Variants in DMBT1 observed in about 807,000 individuals in gnomAD.
DMBT1 encodes scavenger receptor cysteine-rich domain-containing protein DMBT1.
A neutral mutation model predicts 252.9 loss-of-function variants in DMBT1; 198 were observed. The observed-to-expected ratio is 0.78, with a 90% CI of 0.70 to 0.88. The LOEUF (loss-of-function observed/expected upper bound fraction) is 0.88. Among genes scored for constraint, DMBT1 ranks in the 40% least tolerant of loss-of-function variants. The probability of loss-of-function intolerance (pLI) is 0.00; values close to 1 mark genes in which losing one functional copy is unlikely to be tolerated. For missense variants in DMBT1, 2,432 were observed against 2,404.7 expected, an observed-to-expected ratio of 1.01 and a Z score of -0.24; for synonymous variants, 990 against 942.7, an observed-to-expected ratio of 1.05 and a Z score of -0.92.
chr10:122,590,685 C>T lies in DMBT1; in HGVS notation c.2128C>T (p.Pro710Ser). ...CACAGCTGCCCAGTCCCGGTCGACG[C>T]CCAGGCCAGGTGAGTCCCCAGTGTC... ...ICSAAQSRST[P>S]RPDTLSTITL... is the part of the protein sequence containing the mutation. Residue 710 changes from proline (P) to serine (S), a missense_variant, in exon 18 of 56, where the codon CCC (proline) becomes TCC (serine). Pro to Ser is a moderately conservative substitution (Grantham distance 74, BLOSUM62 -1). Around this residue, in one of 3 missense-constraint regions of DMBT1, gnomAD observed 1,264 missense variants for 1,082.2 expected, o/e 1.17. Transcript: ENST00000338354. The T allele has an allele frequency of 2.5e-6, 4 of 1,587,916 alleles. No homozygotes were observed. In the Admixed American group the frequency reaches 5.0e-5, roughly 20 times the overall value.
At chr10:122,590,584 C>T in intron 17 of DMBT1, 81 bp from the exon 18 acceptor site, 1 of 1,496,634 alleles carries the variant, frequency 6.7e-7, no homozygotes. Flanking sequence ...GAAGGCGCTA[C>T]CAGTTTAGTT....
chr10:122,568,554 C>T (rs1372605550), intron 2 of DMBT1, among the ~76,000 whole-genome samples: 4 of 152,006 alleles, frequency 2.6e-5, no homozygotes, highest in South Asian at 2.1e-4. Context: ...TCAAGGGGGC[C>T]GAGAGCACCA....
At position 122,625,919 on chromosome 10, in the gene DMBT1, A is replaced by AT. The variant is rs538807853; in HGVS notation, c.5636-5dup. 1,423 of 1,571,722 alleles carry AT rather than the reference A, an allele frequency of 9.1e-4. No individual in the cohort carries two copies. The highest frequency in any genetic ancestry group is 1.1e-3 in the Non-Finnish European group (1,258 of 1,144,490). Reference sequence around the variant, plus strand: ...ATCTACTAAAATCCTAAACAGCTTCATTTTTTTTTCTAGATTGGTGGCATC... The same window carrying AT: ...ATCTACTAAAATCCTAAACAGCTTCATTTTTTTTTTCTAGATTGGTGGCATC... On this transcript the variant is annotated splice_polypyrimidine_tract_variant and intron_variant, in intron 45 of 55. Coordinates refer to ENST00000338354, the MANE Select transcript of DMBT1 (RefSeq NM_001377530.1).
rs189092164 is a variant in DMBT1, at chr10:122,630,811, G to A, written c.6026-150G>A. The A allele has an allele frequency of 2.9e-4, 236 of 814,432 alleles. 1 individual carries two copies. The highest frequency in any genetic ancestry group is 2.6e-3 in the South Asian group (142 of 53,990). 50.5% of individuals were successfully genotyped at this position (814,432 alleles called of 1,614,324 possible). A position where few individuals can be genotyped will look rare whatever the true frequency, so the allele number is the denominator to read the frequency against. ...AGCCCCTTTCAGCTCTGCATGGAGCGGTCCAGTACCTCCACCCCAGCTTTT... is the reference window on the plus strand; with the variant it reads ...AGCCCCTTTCAGCTCTGCATGGAGCAGTCCAGTACCTCCACCCCAGCTTTT... On this transcript the variant is annotated intron_variant, in intron 48 of 55. Coordinates refer to ENST00000338354, the MANE Select transcript of DMBT1 (RefSeq NM_001377530.1).
intron 1 of DMBT1, among the ~76,000 whole-genome samples, chr10:122,564,570 T>C (rs1244777216): frequency 6.6e-6 from 1 of 152,110 alleles, no homozygotes; most frequent in Admixed American, 6.5e-5. Flanking sequence ...AGCAGACCTT[T>C]TTGTATCACA....
intron 52 of DMBT1, among the ~76,000 whole-genome samples, chr10:122,634,084 A>G (rs2098189560): frequency 6.6e-6 from 1 of 152,208 alleles, no homozygotes. Context: ...GTTGTGGTGA[A>G]CTATGATAGC....
intron 2 of DMBT1, among the ~76,000 whole-genome samples, chr10:122,566,928 A>C (rs187792632): frequency 6.6e-6 from 1 of 152,326 alleles, no homozygotes; most frequent in East Asian, 1.9e-4. Context: ...GGTGAGTAGC[A>C]GGGCAGAGAT....
At chr10:122,593,427 G>A (rs2097868236) in intron 20 of DMBT1, 142 bp from the exon 21 acceptor site, 2 of 1,066,958 alleles carry the variant, frequency 1.9e-6, no homozygotes, top group Non-Finnish European at 2.9e-6. Context: ...CTGTGGGGAT[G>A]TGCATGGCAA....
intron 45 of DMBT1, among the ~76,000 whole-genome samples, chr10:122,625,714 AGC>A (rs1205636080): frequency 6.6e-6 from 1 of 152,224 alleles, no homozygotes; most frequent in East Asian, 1.9e-4. Context: ...CCATCCGCAA[AGC>A]GTTTTTGTGC....
Position 122,621,355 on chromosome 10 carries a change from C to G in DMBT1, c.5583C>G (p.His1861Gln), listed in dbSNP as rs200490714. 3 of 1,613,784 alleles carry G rather than the reference C, an allele frequency of 1.9e-6. No individual in the cohort carries two copies. Among genetic ancestry groups the G allele is most frequent in the South Asian group, 2.2e-5 (2 of 91,074 alleles). Residue 1861 changes from histidine to glutamine, a missense_variant, in exon 44 of 56, where the codon CAC (histidine) becomes CAG (glutamine). By Grantham distance (24) the His-to-Gln change is conservative (BLOSUM62 0). Around this residue, in one of 3 missense-constraint regions of DMBT1, gnomAD observed 1,162 missense variants for 1,169.0 expected, o/e 0.99. Coordinates refer to ENST00000338354, the MANE Select transcript of DMBT1 (RefSeq NM_001377530.1). Reference protein sequence around the residue: ...KGWLTHNCGHHEDAGVICSAT... With the variant: ...KGWLTHNCGHQEDAGVICSAT... ...GGCTCACCCACAACTGTGGCCATCA[C>G]GAAGACGCTGGTGTCATCTGCTCAG...
In DMBT1 at chr10:122,573,768, G is replaced by T. The variant is rs756919017; in HGVS notation, c.283+6G>T. On this transcript the variant is annotated splice_donor_region_variant and intron_variant, in intron 6 of 55. Transcript: ENST00000338354. ...GGAGTCAACTGTAGCAGAAGGTAAC[G>T]TCTACTATGGGGGATCCCTGTAGGC... The T allele has an allele frequency of 6.2e-7, 1 of 1,613,398 alleles. No homozygotes were observed. Among genetic ancestry groups the T allele is most frequent in the South Asian group, 1.1e-5 (1 of 91,070 alleles).
rs199949820 is a variant in DMBT1, at chr10:122,560,871, G to A, written c.61+40G>A. The A allele has an allele frequency of 4.0e-6, 6 of 1,488,522 alleles. No individual in the cohort carries two copies. In the East Asian group the frequency reaches 9.8e-5, roughly 24 times the overall value. 92.2% of individuals were successfully genotyped at this position (1,488,522 alleles called of 1,614,324 possible). ...TATTATATTCATTAATTTCTCTCCTGCAGACCCAATCATGGCAAATTATAT... is the reference window on the plus strand; with the variant it reads ...TATTATATTCATTAATTTCTCTCCTACAGACCCAATCATGGCAAATTATAT... On this transcript the variant is annotated intron_variant, in intron 1 of 55. Coordinates refer to ENST00000338354, the MANE Select transcript of DMBT1 (RefSeq NM_001377530.1).
In DMBT1 at chr10:122,576,611, C is replaced by G. The variant is rs774907509; in HGVS notation, c.496C>G (p.Leu166Val). 1.2e-6 allele frequency: 2 copies of G among 1,613,890 alleles called. No homozygotes were observed. Among genetic ancestry groups the G allele is most frequent in the Admixed American group, 1.7e-5 (1 of 60,012 alleles). ...WFGQGSGPIA[L>V]DDVRCSGHES... ...TGGCCAGGGCTCAGGACCCATTGCC[C>G]TGGATGATGTGCGCTGCTCAGGACA... Residue 166 changes from leucine to valine, a missense_variant, in exon 7 of 56, where the codon CTG becomes GTG. By Grantham distance (32) the Leu-to-Val change is conservative. Transcript: ENST00000338354.
At chr10:122,627,957 C>T (rs995879235) in intron 46 of DMBT1, among the ~76,000 whole-genome samples, 7 of 152,120 alleles carry the variant, frequency 4.6e-5, no homozygotes, top group East Asian at 1.9e-4. Flanking sequence ...TGTCATTAGC[C>T]GTCAGGGTCA....
At chr10:122,562,611 G>A (rs559905844) in intron 1 of DMBT1, among the ~76,000 whole-genome samples, 1 of 152,350 alleles carries the variant, frequency 6.6e-6, no homozygotes, top group South Asian at 2.1e-4. Context: ...ATTCACATCA[G>A]CCACTGTAGA....
rs2098181464 is a variant in DMBT1, at chr10:122,633,303, AAAC to A, written c.6514_6516del (p.Asn2172del). 3 of 1,613,900 alleles carry A rather than the reference AAAC, an allele frequency of 1.9e-6. No individual in the cohort carries two copies. The highest frequency in any genetic ancestry group is 2.5e-6 in the Non-Finnish European group (3 of 1,179,910). ...AGTGTGTGTGGGACATTGAGGTGCA[AAAC>A]AACTACCGTGTGACTGTGATCTTCA... On this transcript the variant is annotated inframe_deletion, in exon 52 of 56. Transcript: ENST00000338354.
chr10:122,563,586 C>CAA (rs5788567), intron 1 of DMBT1, among the ~76,000 whole-genome samples: 1,940 of 147,284 alleles, frequency 0.013, 43 homozygotes, highest in African/African-American at 0.045. Context: ...GACTCTGTCT[C>CAA]AAAAAAAAAA....
Position 122,577,913 on chromosome 10 carries a change from G to A in DMBT1, c.637+73G>A, listed in dbSNP as rs79660171. On this transcript the variant is annotated intron_variant, in intron 8 of 55. Coordinates refer to ENST00000338354, the MANE Select transcript of DMBT1 (RefSeq NM_001377530.1). ...AGTTACCCCTTCCCTACTCCACAGA[G>A]CCCTCCTGCTTCTCTGCAGATACTC... is the stretch of plus-strand genomic sequence containing the variant. 4,719 of 1,522,838 alleles carry A rather than the reference G, an allele frequency of 3.1e-3. 142 individuals carry two copies. In the African/African-American group the frequency reaches 0.058, roughly 19 times the overall value. The allele number at this position is 1,522,838 out of a possible 1,614,324, so 94.3% of individuals were successfully genotyped here.
Position 122,584,182 on chromosome 10 carries a change from G to A in DMBT1, c.1391-140G>A, listed in dbSNP as rs554415687. On this transcript the variant is annotated intron_variant, in intron 13 of 55. Coordinates refer to ENST00000338354, the MANE Select transcript of DMBT1 (RefSeq NM_001377530.1). The stretch of plus-strand genomic sequence containing the variant: ...ACCCTCCAAGGAGCATCTCTGTGGG[G>A]ACATGCATGGCAATGCCCTCCCTCT... The A allele has an allele frequency of 2.6e-3, 523 of 202,340 alleles. 16 individuals are homozygous for A. In the African/African-American group the frequency reaches 0.037, roughly 14 times the overall value. The allele number at this position is 202,340 out of a possible 1,614,324, so 12.5% of individuals were successfully genotyped here. A position where few individuals can be genotyped will look rare whatever the true frequency, so the allele number is the denominator to read the frequency against.
Sources: allele counts gnomAD v4.1 joint callset (sites outside exome capture counted in the v4.1 genomes callset), GRCh38; gene constraint gnomAD v4.1.1; regional missense constraint gnomAD v4.1.1; transcripts MANE v1.5; gene names NCBI Gene and HGNC (gene_info 2026-07-23, HGNC 2026-07-21).